PSMA1: variants seen among roughly 807,000 people sequenced by gnomAD.
The protein encoded by PSMA1 is proteasome subunit alpha type-1.
PSMA1 carries 3 observed loss-of-function variants against 38.4 expected under a neutral mutation model. That is an observed-to-expected ratio of 0.08 (90% CI 0.04 to 0.20). PSMA1 has a LOEUF of 0.20. PSMA1 is among the 10% of genes least tolerant of loss of function. The pLI is 1.00. For synonymous variants in PSMA1, 101 were observed against 107.1 expected, an observed-to-expected ratio of 0.94 and a Z score of 0.35; for missense variants, 227 against 325.3, an observed-to-expected ratio of 0.70 and a Z score of 2.32.
chr11:14,517,202 T>C (rs1851445059), intron 4 of PSMA1, among the ~76,000 whole-genome samples: 1 of 152,222 alleles, frequency 6.6e-6, no homozygotes, highest in African/African-American at 2.4e-5. Flanking sequence ...TAAGACAAGA[T>C]CCATGTCTGA....
At chr11:14,573,425 C>G (rs1195453069) in intron 2 of PSMA1, among the ~76,000 whole-genome samples, 2 of 152,146 alleles carry the variant, frequency 1.3e-5, no homozygotes, top group Non-Finnish European at 2.9e-5. Flanking sequence ...ATGATTATCT[C>G]AATAGATGCA....
At position 14,638,535 on chromosome 11, in the gene PSMA1, CTCTCTCTCTCTATATATATATATATATA is replaced by C. The variant is rs1353376477; in HGVS notation, c.-166+4892_-166+4919del. ...TCTCTCTCTCTCTCTCTCTCTCTCT[CTCTCTCTCTCTATATATATATATATATA>C]TATATATATATATATATATATATTT... On this transcript the variant is annotated intron_variant, in intron 1 of 10. Transcript: ENST00000418988. Among the ~76,000 whole-genome samples the C allele has an allele frequency of 6.4e-3, 164 of 25,592 alleles. 1 individual carries two copies. The highest frequency in any genetic ancestry group is 9.4e-3 in the Non-Finnish European group (129 of 13,744). The allele number at this position is 25,592 out of a possible 152,430, so 16.8% of individuals were successfully genotyped here. A position where few individuals can be genotyped will look rare whatever the true frequency, so the allele number is the denominator to read the frequency against.
chr11:14,520,370 C>T lies in PSMA1; in HGVS notation c.-71G>A, dbSNP rs552581070. 9.0e-5 allele frequency: 145 copies of T among 1,614,184 alleles called. No homozygotes were observed. In the African/African-American group the frequency reaches 1.7e-3, roughly 19 times the overall value. On this transcript the variant is annotated 5_prime_UTR_variant, in exon 1 of 10. Coordinates refer to ENST00000396394, the MANE Select transcript of PSMA1 (RefSeq NM_002786.4). Reference sequence around the variant, plus strand: ...CAAGGAGGTGCTGCCGAAAGTATCGCTCAGCGATCTACAGAGAAGTCTGCG... The same window carrying T: ...CAAGGAGGTGCTGCCGAAAGTATCGTTCAGCGATCTACAGAGAAGTCTGCG...
chr11:14,596,363 T>C (rs553298336), intron 2 of PSMA1, among the ~76,000 whole-genome samples: 1 of 152,354 alleles, frequency 6.6e-6, no homozygotes, highest in East Asian at 1.9e-4. Context: ...ATATTGAGTC[T>C]TCCTATCCAT....
At chr11:14,583,027 C>A (rs376118002) in intron 2 of PSMA1, among the ~76,000 whole-genome samples, 11 of 152,304 alleles carry the variant, frequency 7.2e-5, no homozygotes, top group African/African-American at 2.4e-4. Flanking sequence ...TCTGCGCTCA[C>A]GTAATTCGGT....
At chr11:14,578,442 A>G (rs919779565) in intron 2 of PSMA1, among the ~76,000 whole-genome samples, 2 of 152,334 alleles carry the variant, frequency 1.3e-5, no homozygotes, top group Admixed American at 1.3e-4. Context: ...TGATACAGAC[A>G]TGATACCTGA....
At chr11:14,581,161 A>G (rs368653310) in intron 2 of PSMA1, among the ~76,000 whole-genome samples, 19 of 152,270 alleles carry the variant, frequency 1.2e-4, no homozygotes, top group African/African-American at 4.3e-4. Context: ...ATAGTCTACT[A>G]TATTCTTGGT....
At chr11:14,576,651 G>T (rs1852220300) in intron 2 of PSMA1, among the ~76,000 whole-genome samples, 1 of 152,070 alleles carries the variant, frequency 6.6e-6, no homozygotes, top group African/African-American at 2.4e-5. Flanking sequence ...CTCTGTTTTG[G>T]TTCCAGTGAC....
intron 2 of PSMA1, among the ~76,000 whole-genome samples, chr11:14,549,998 C>G (rs1324317919): frequency 6.6e-6 from 1 of 152,152 alleles, no homozygotes; most frequent in Non-Finnish European, 1.5e-5. Context: ...CTGTATTTAA[C>G]AAAACATATC....
intron 2 of PSMA1, among the ~76,000 whole-genome samples, chr11:14,542,549 C>T (rs1851784272): frequency 1.3e-5 from 2 of 152,206 alleles, no homozygotes; most frequent in Non-Finnish European, 2.9e-5. Context: ...CTGAGCCCTC[C>T]CATGATTGCC....
At chr11:14,542,365 C>T (rs1022153400) in intron 2 of PSMA1, among the ~76,000 whole-genome samples, 1 of 152,048 alleles carries the variant, frequency 6.6e-6, no homozygotes, top group African/African-American at 2.4e-5. Flanking sequence ...TCATCTAAAC[C>T]ACTCTATTTA....
At chr11:14,547,037 A>T (rs1851835257) in intron 2 of PSMA1, among the ~76,000 whole-genome samples, 1 of 152,268 alleles carries the variant, frequency 6.6e-6, no homozygotes, top group Non-Finnish European at 1.5e-5. Flanking sequence ...TTTCCATCAT[A>T]ATGAAATGAC....
chr11:14,595,790 T>C (rs925714485), intron 2 of PSMA1, among the ~76,000 whole-genome samples: 7 of 152,258 alleles, frequency 4.6e-5, no homozygotes, highest in Non-Finnish European at 8.8e-5. Flanking sequence ...CCATTGCTTT[T>C]GGTGTTTTAG....
intron 2 of PSMA1, among the ~76,000 whole-genome samples, chr11:14,527,691 G>A (rs1479602147): frequency 2.0e-5 from 3 of 152,130 alleles, no homozygotes; most frequent in Non-Finnish European, 4.4e-5. Context: ...GCTGGGTAGA[G>A]GCCTTTCCCA....
chr11:14,625,277 T>C, intron 1 of PSMA1, among the ~76,000 whole-genome samples: 1 of 152,094 alleles, frequency 6.6e-6, no homozygotes, highest in East Asian at 1.9e-4. Context: ...GGTGAAACCC[T>C]ATCTCTACCA....
At chr11:14,548,621 G>T (rs748513789) in intron 2 of PSMA1, among the ~76,000 whole-genome samples, 1 of 152,188 alleles carries the variant, frequency 6.6e-6, no homozygotes, top group Non-Finnish European at 1.5e-5. Context: ...ATGGAAATGA[G>T]CAAAGGCAAT....
chr11:14,634,099 C>T (rs2133722889), intron 1 of PSMA1, among the ~76,000 whole-genome samples: 1 of 152,290 alleles, frequency 6.6e-6, no homozygotes, highest in African/African-American at 2.4e-5. Flanking sequence ...CACCCGTCTT[C>T]TGCGTCGCTC....
rs189286843 is a variant in PSMA1 at position 14,505,703 on chromosome 11, A to G, written c.736-455T>C. ...TAGGTATGCCGAATGCATAAAATAT[A>G]TGTAGAAAATAGTCTATTTGGTCGG... On this transcript the variant is annotated intron_variant, in intron 9 of 9. Transcript: ENST00000396394. Among the ~76,000 whole-genome samples, 743 of 152,264 alleles carry G rather than the reference A, an allele frequency of 4.9e-3. 16 individuals are homozygous for G. The highest frequency in any genetic ancestry group is 3.4e-3 in the Middle Eastern group (1 of 294).
At chr11:14,505,596 TG>T (rs1851233037) in intron 9 of PSMA1, among the ~76,000 whole-genome samples, 1 of 151,852 alleles carries the variant, frequency 6.6e-6, no homozygotes, top group Non-Finnish European at 1.5e-5. Context: ...AGCTTTTTTT[TG>T]TTTGTTTGTT....
Sources: gnomAD v4.1 joint callset for allele counts (sites outside exome capture counted in the v4.1 genomes callset) on GRCh38, gnomAD v4.1.1 for gene constraint, MANE v1.5 for transcripts, NCBI Gene and HGNC (gene_info 2026-07-23, HGNC 2026-07-21) for gene names.